SH3BGRL2: variants seen among roughly 807,000 people sequenced by gnomAD.
SH3BGRL2 encodes SH3 domain binding glutamate rich protein like 2, also known as SH3 domain-binding glutamic acid-rich-like protein 2.
In SH3BGRL2, 21 loss-of-function variants were observed where a neutral mutation model predicts 14.8. That is an observed-to-expected ratio of 1.42 (90% confidence interval 1.01 to 2.05). The LOEUF is 2.05. Ranked by LOEUF, SH3BGRL2 falls within the 30% of genes most tolerant of loss-of-function variation. SH3BGRL2 has a pLI of 0.00. For missense variants in SH3BGRL2, 147 were observed against 130.8 expected, an observed-to-expected ratio of 1.12 and a Z score of -0.61; for synonymous variants, 50 against 47.8, an observed-to-expected ratio of 1.05 and a Z score of -0.19.
the SH3BGRL2 span, among the ~76,000 whole-genome samples, chr6:79,557,481 G>C: frequency 6.6e-6 from 1 of 151,986 alleles, no homozygotes; most frequent in South Asian, 2.1e-4. Context: ...TAATTGAGCA[G>C]CAAAAAGCAT....
intron 1 of SH3BGRL2, among the ~76,000 whole-genome samples, chr6:79,672,973 G>A (rs1769802232): frequency 6.6e-6 from 1 of 152,312 alleles, no homozygotes; most frequent in South Asian, 2.1e-4. Flanking sequence ...ATGCTTTCAT[G>A]GTAGTGGCTA....
chr6:79,695,663 G>A (rs553846887), intron 2 of SH3BGRL2, among the ~76,000 whole-genome samples: 7 of 152,264 alleles, frequency 4.6e-5, no homozygotes, highest in East Asian at 3.9e-4. Flanking sequence ...TCTCTAACCC[G>A]GCAGGCTGTG....
At chr6:79,636,701 CT>C (rs1015608377) in intron 1 of SH3BGRL2, among the ~76,000 whole-genome samples, 1 of 152,126 alleles carries the variant, frequency 6.6e-6, no homozygotes, top group African/African-American at 2.4e-5. Context: ...CTTTCCATGT[CT>C]TTCTCCTAGT....
intron 1 of SH3BGRL2, among the ~76,000 whole-genome samples, chr6:79,668,495 C>G (rs1769705933): frequency 6.6e-6 from 1 of 152,036 alleles, no homozygotes; most frequent in South Asian, 2.1e-4. Flanking sequence ...TCAGGAGATT[C>G]ACAGATCTGG....
chr6:79,640,748 G>C (rs796207887), intron 1 of SH3BGRL2, among the ~76,000 whole-genome samples: 58 of 152,186 alleles, frequency 3.8e-4, no homozygotes, highest in African/African-American at 1.4e-3. Flanking sequence ...GACAGGGAAC[G>C]TTGGGTGCGA....
chr6:79,609,589 T>C, the SH3BGRL2 span, among the ~76,000 whole-genome samples: 1 of 152,192 alleles, frequency 6.6e-6, no homozygotes, highest in Non-Finnish European at 1.5e-5. Context: ...ATCCGAGTTC[T>C]GTTGAGCTCA....
chr6:79,596,878 C>T, the SH3BGRL2 span, among the ~76,000 whole-genome samples: 1 of 152,114 alleles, frequency 6.6e-6, no homozygotes, highest in East Asian at 1.9e-4. Flanking sequence ...TCATACCTCC[C>T]AATTACAAAA....
the SH3BGRL2 span, among the ~76,000 whole-genome samples, chr6:79,606,093 G>A: frequency 6.6e-6 from 1 of 152,138 alleles, no homozygotes; most frequent in Non-Finnish European, 1.5e-5. Context: ...GGGCAAAAAG[G>A]CTCTTTCTAG....
At chr6:79,599,664 C>T in the SH3BGRL2 span, among the ~76,000 whole-genome samples, 3 of 152,178 alleles carry the variant, frequency 2.0e-5, no homozygotes, top group Non-Finnish European at 2.9e-5. Flanking sequence ...ACAACCCAAA[C>T]GTCTGTCAGC....
chr6:79,664,320 A>T (rs1371930441), intron 1 of SH3BGRL2, among the ~76,000 whole-genome samples: 1 of 152,198 alleles, frequency 6.6e-6, no homozygotes, highest in Non-Finnish European at 1.5e-5. Flanking sequence ...GATTGGATTT[A>T]ATGTTTAGCT....
chr6:79,590,424 G>GACATAT, the SH3BGRL2 span, among the ~76,000 whole-genome samples: 4 of 66,684 alleles, frequency 6.0e-5, no homozygotes, highest in African/African-American at 2.1e-4. Context: ...AAGAAAATGT[G>GACATAT]ATATATATAT....
chr6:79,604,586 T>G, the SH3BGRL2 span, among the ~76,000 whole-genome samples: 5 of 152,192 alleles, frequency 3.3e-5, no homozygotes, highest in African/African-American at 1.2e-4. Flanking sequence ...CCTCCCCATT[T>G]TTTCCCCTTG....
the SH3BGRL2 span, among the ~76,000 whole-genome samples, chr6:79,607,185 C>A: frequency 6.6e-6 from 1 of 152,202 alleles, no homozygotes; most frequent in African/African-American, 2.4e-5. Flanking sequence ...GCTGGTCCTA[C>A]AATTTTCTGC....
chr6:79,604,239 G>T, the SH3BGRL2 span, among the ~76,000 whole-genome samples: 17 of 152,284 alleles, frequency 1.1e-4, no homozygotes, highest in Admixed American at 7.2e-4. Context: ...ATGGACAAAG[G>T]TTAATTCAAC....
At chr6:79,548,262 T>G in the SH3BGRL2 span, among the ~76,000 whole-genome samples, 1 of 152,224 alleles carries the variant, frequency 6.6e-6, no homozygotes. Flanking sequence ...TATAGTAGGT[T>G]TATATTTCCA....
the SH3BGRL2 span, among the ~76,000 whole-genome samples, chr6:79,624,897 C>A: frequency 6.6e-6 from 1 of 151,978 alleles, no homozygotes; most frequent in Admixed American, 6.6e-5. Context: ...CCTGGGTGGG[C>A]TCCATGGCTC....
the SH3BGRL2 span, among the ~76,000 whole-genome samples, chr6:79,611,790 AAC>A: frequency 6.6e-6 from 1 of 152,198 alleles, no homozygotes; most frequent in Admixed American, 6.5e-5. Flanking sequence ...AGATTCCAGT[AAC>A]AACTCAGCCA....
chr6:79,663,907 C>T (rs1227317831), intron 1 of SH3BGRL2, among the ~76,000 whole-genome samples: 1 of 152,166 alleles, frequency 6.6e-6, no homozygotes, highest in Non-Finnish European at 1.5e-5. Context: ...GCTGCTGCCT[C>T]GCAGGTTGAT....
upstream of SH3BGRL2, among the ~76,000 whole-genome samples, chr6:79,630,424 G>T (rs1430510461): frequency 6.6e-6 from 1 of 152,066 alleles, no homozygotes; most frequent in East Asian, 1.9e-4. Context: ...CTGAGAGAGA[G>T]GCTTGAGCTT....
Sources: allele counts gnomAD v4.1 joint callset (sites outside exome capture counted in the v4.1 genomes callset), GRCh38; gene constraint gnomAD v4.1.1; transcripts MANE v1.5; gene names NCBI Gene and HGNC (gene_info 2026-07-23, HGNC 2026-07-21).